C7: variants seen among roughly 807,000 people sequenced by gnomAD.
C7 encodes the protein complement component C7.
A neutral mutation model predicts 104.8 loss-of-function variants in C7; 83 were observed. The observed-to-expected ratio is 0.79, with a 90% CI of 0.66 to 0.95. C7 has a LOEUF of 0.95. C7 is among the 40% of genes least tolerant of loss of function. The pLI is 0.00. For synonymous variants in C7, 415 were observed against 360.6 expected (o/e 1.15, Z -1.71); for missense variants, 1,070 against 1,011.2 (o/e 1.06, Z -0.79).
chr5:40,962,735 G>A (rs1447315915), intron 13 of C7, among the ~76,000 whole-genome samples: 4 of 152,210 alleles, frequency 2.6e-5, no homozygotes, highest in South Asian at 4.1e-4. Context: ...GGACATTTTC[G>A]TTAATGCTGC....
At chr5:40,965,642 A>T (rs62357069) in intron 14 of C7, among the ~76,000 whole-genome samples, 6,307 of 60,036 alleles carry the variant, frequency 0.11, 204 homozygotes, top group South Asian at 0.22. Context: ...ATATATATAT[A>T]TATATATTTT....
At chr5:40,933,944 T>TC (rs1203235717) in intron 3 of C7, among the ~76,000 whole-genome samples, 1 of 151,638 alleles carries the variant, frequency 6.6e-6, no homozygotes, top group Non-Finnish European at 1.5e-5. Flanking sequence ...TCTTTTCTTT[T>TC]TTTTTTTTTG....
At position 40,981,381 on chromosome 5, in the gene C7, T is replaced by C. The variant is rs771500830; in HGVS notation, c.2351-11T>C. On this transcript the variant is annotated splice_polypyrimidine_tract_variant and intron_variant, in intron 17 of 17. Coordinates refer to ENST00000313164, the MANE Select transcript of C7 (RefSeq NM_000587.4). ...AATGTACCATTAAGCCTCTTTCACT[T>C]ACTTTTCCAGCTGAGAGCAGCAAAT... 1 of 1,606,262 alleles carries C rather than the reference T, an allele frequency of 6.2e-7. No homozygotes were observed. The highest frequency in any genetic ancestry group is 1.7e-5 in the Admixed American group (1 of 58,756).
chr5:40,953,639 C>CAAAA (rs397961480), intron 9 of C7, among the ~76,000 whole-genome samples: 14,486 of 103,380 alleles, frequency 0.14, 1,520 homozygotes, highest in South Asian at 0.25. Flanking sequence ...GACTCTGTCT[C>CAAAA]AAAAAAAAAA....
In C7 at chr5:40,931,145, A is replaced by T; in HGVS notation, c.138+6A>T. 6.2e-7 allele frequency: 1 copy of T among 1,607,406 alleles called. No individual in the cohort carries two copies. Among genetic ancestry groups the T allele is most frequent in the South Asian group, 1.1e-5 (1 of 90,834 alleles). On this transcript the variant is annotated splice_donor_region_variant and intron_variant, in intron 3 of 17. Transcript: ENST00000313164. ...ATGGCTGTACCAAGACTCAGGTAGG[A>T]CCATGCAAAACTTTGTATTTGATTA...
rs1406801494 is a variant in C7, at chr5:40,945,345, A to G, written c.715A>G (p.Thr239Ala). 3 of 1,595,762 alleles carry G rather than the reference A, an allele frequency of 1.9e-6. No homozygotes were observed. Among genetic ancestry groups the G allele is most frequent in the Admixed American group, 1.8e-5 (1 of 55,132 alleles). ...TTCTTCACGCAGTTATACTTCACAT[A>G]CCAATGAAATCCATAAAGGAAAGGT... is the stretch of plus-strand genomic sequence containing the variant. ...SSSSRSYTSH[T>A]NEIHKGKSYQ... Residue 239 changes from threonine (T) to alanine (A), a missense_variant, in exon 7 of 18, where the codon ACC becomes GCC. Coordinates refer to ENST00000313164, the MANE Select transcript of C7 (RefSeq NM_000587.4).
At chr5:40,971,225 C>A (rs1740691898) in intron 14 of C7, among the ~76,000 whole-genome samples, 1 of 152,208 alleles carries the variant, frequency 6.6e-6, no homozygotes, top group African/African-American at 2.4e-5. Context: ...GTTCCTATTT[C>A]TCCACATCCC....
At chr5:40,966,630 G>A (rs1740561113) in intron 14 of C7, among the ~76,000 whole-genome samples, 2 of 152,068 alleles carry the variant, frequency 1.3e-5, no homozygotes, top group African/African-American at 4.8e-5. Flanking sequence ...GCCTGAATCG[G>A]CCTCCCAAAG....
In C7 at chr5:40,935,298, G is replaced by A. The variant is rs755507145; in HGVS notation, c.280+832G>A. On this transcript the variant is annotated intron_variant, in intron 4 of 17. Coordinates refer to ENST00000313164, the MANE Select transcript of C7 (RefSeq NM_000587.4). ...CGTTGGCCTGAATGTCTCTCTTGGT[G>A]AACTGTGAACTCCTTGAAGACATGA... Among the ~76,000 whole-genome samples, 63 of 152,164 alleles carry A rather than the reference G, an allele frequency of 4.1e-4. 1 individual carries two copies. The highest frequency in any genetic ancestry group is 1.0e-4 in the Non-Finnish European group (7 of 68,034).
In C7 at chr5:40,959,398, T is replaced by A. The variant is rs143287227; in HGVS notation, c.1490-51T>A. 61 of 1,534,918 alleles carry A rather than the reference T, an allele frequency of 4.0e-5. 1 individual carries two copies. The East Asian group carries it at 1.3e-3, about 34-fold the overall frequency. On this transcript the variant is annotated intron_variant, in intron 11 of 17. Coordinates refer to ENST00000313164, the MANE Select transcript of C7 (RefSeq NM_000587.4). ...GTTAGCAGGAAGCATAGCACTAAGT[T>A]CCCAAGCCCTCTTTAAGAACTTATT...
chr5:40,937,975 ATTAAACTGAAGACCCTGTC>A (rs1739852557), intron 6 of C7, among the ~76,000 whole-genome samples: 1 of 152,140 alleles, frequency 6.6e-6, no homozygotes, highest in Non-Finnish European at 1.5e-5. Flanking sequence ...TGGTGTAGGC[ATTAAACTGAAGACCCTGTC>A]CATGACTGGT....
At position 40,976,743 on chromosome 5, in the gene C7, T is replaced by G. The variant is rs1740827223; in HGVS notation, c.2075-7T>G. On this transcript the variant is annotated splice_region_variant and splice_polypyrimidine_tract_variant and intron_variant, in intron 15 of 17. Coordinates refer to ENST00000313164, the MANE Select transcript of C7 (RefSeq NM_000587.4). ...CTAACGACCACATCTCCCTTATCCT[T>G]TTTTAGAAAATCCGTTAACACAGGC... 1 of 1,582,952 alleles carries G rather than the reference T, an allele frequency of 6.3e-7. No homozygotes were observed. Among genetic ancestry groups the G allele is most frequent in the Admixed American group, 1.8e-5 (1 of 55,464 alleles).
At chr5:40,975,380 T>TTTTTG in intron 15 of C7, among the ~76,000 whole-genome samples, 1 of 151,784 alleles carries the variant, frequency 6.6e-6, no homozygotes, top group South Asian at 2.1e-4. Context: ...TTTTTTTTTT[T>TTTTTG]TGAGACAAGG....
intron 16 of C7, 88 bp downstream of exon 16, chr5:40,976,928 G>A (rs984756663): frequency 9.8e-7 from 1 of 1,023,640 alleles, no homozygotes; most frequent in East Asian, 2.7e-5. Context: ...TGGATGGAAG[G>A]TGTAGCTTAC....
At chr5:40,914,709 A>G (rs1224393818) in intron 1 of C7, among the ~76,000 whole-genome samples, 1 of 152,212 alleles carries the variant, frequency 6.6e-6, no homozygotes, top group Non-Finnish European at 1.5e-5. Context: ...AATATTACAA[A>G]GAGAGTATTC....
chr5:40,931,022 C>G lies in C7; in HGVS notation c.63-42C>G, dbSNP rs374395275. 2.9e-6 allele frequency: 4 copies of G among 1,361,176 alleles called. No individual in the cohort carries two copies. The Admixed American group carries it at 6.8e-5, about 23-fold the overall frequency. 84.3% of individuals were successfully genotyped at this position (1,361,176 alleles called of 1,614,324 possible). The stretch of plus-strand genomic sequence containing the variant: ...CTATTCTTTGTGTTCCCTTGCGTAT[C>G]TTTCCACCTGCTTTATGATGGACAA... On this transcript the variant is annotated intron_variant, in intron 2 of 17. Transcript: ENST00000313164.
Position 40,984,550 on chromosome 5 carries a change from C to T in C7, c.*2977C>T, listed in dbSNP as rs1331029207. Among the ~76,000 whole-genome samples the T allele has an allele frequency of 1.3e-5, 2 of 152,202 alleles. No individual in the cohort carries two copies. The highest frequency in any genetic ancestry group is 2.9e-5 in the Non-Finnish European group (2 of 68,038). On this transcript the variant is annotated 3_prime_UTR_variant, in exon 18 of 18. Coordinates refer to ENST00000313164, the MANE Select transcript of C7 (RefSeq NM_000587.4). Reference sequence around the variant, plus strand: ...AGCCTAGTATGTGTCCATTTATGTGCCCGGCTTATTATGTGTCCACTTATG... The same window carrying T: ...AGCCTAGTATGTGTCCATTTATGTGTCCGGCTTATTATGTGTCCACTTATG...
At chr5:40,931,255 A>G (rs2271709) in intron 3 of C7, 116 bp downstream of exon 3, 155,618 of 728,586 alleles carry the variant, frequency 0.21, 18,466 homozygotes, top group African/African-American at 0.42. Context: ...TTTGAAAACT[A>G]TGTTTGTAAT....
chr5:40,947,864 C>A lies in C7; in HGVS notation c.982+19C>A. 3 of 1,608,184 alleles carry A rather than the reference C, an allele frequency of 1.9e-6. No individual in the cohort carries two copies. Among genetic ancestry groups the A allele is most frequent in the South Asian group, 2.2e-5 (2 of 89,508 alleles). On this transcript the variant is annotated intron_variant, in intron 8 of 17. Coordinates refer to ENST00000313164, the MANE Select transcript of C7 (RefSeq NM_000587.4). ...CAAAATGGTACAGTATTAAAAAATT[C>A]GTTGTCTAAAGGCATTTCTGGGATT...
Sources: allele counts gnomAD v4.1 joint callset (sites outside exome capture counted in the v4.1 genomes callset), GRCh38; gene constraint gnomAD v4.1.1; transcripts MANE v1.5; gene names NCBI Gene and HGNC (gene_info 2026-07-23, HGNC 2026-07-21).